KIF26B: variants seen among roughly 807,000 people sequenced by gnomAD.
KIF26B encodes kinesin family member 26B.
In KIF26B, 63 loss-of-function variants were observed where a neutral mutation model predicts 151.2. The observed-to-expected ratio is 0.42, with a 90% CI of 0.34 to 0.51. The LOEUF is 0.51. Ranked by LOEUF, KIF26B falls within the 20% of genes least tolerant of loss-of-function variation. KIF26B has a pLI of 0.07. For missense variants in KIF26B, 2,813 were observed against 2,913.6 expected (o/e 0.97, Z 0.79); for synonymous variants, 1,357 against 1,262.1 (o/e 1.08, Z -1.59).
intron 9 of KIF26B, among the ~76,000 whole-genome samples, chr1:245,631,976 G>T (rs2043785627): frequency 6.6e-6 from 1 of 151,224 alleles, no homozygotes; most frequent in Non-Finnish European, 1.5e-5. Context: ...AATCAATTTT[G>T]GTTCCTTTCA....
chr1:245,539,815 G>A (rs368970824), intron 4 of KIF26B, among the ~76,000 whole-genome samples: 1 of 152,050 alleles, frequency 6.6e-6, no homozygotes, highest in African/African-American at 2.4e-5. Flanking sequence ...ACCACACCCG[G>A]CTAATTTTTG....
intron 2 of KIF26B, among the ~76,000 whole-genome samples, chr1:245,274,062 A>G (rs545686177): frequency 6.6e-6 from 1 of 152,196 alleles, no homozygotes; most frequent in Non-Finnish European, 1.5e-5. Context: ...TGGGGATTAC[A>G]TAAAACATTT....
rs2042988806 is a variant in KIF26B, at chr1:245,564,494, G to A, written c.1350+23544G>A. On this transcript the variant is annotated intron_variant, in intron 5 of 14. Transcript: ENST00000407071. This position sits in a 1 kb window ranked among gnomAD's most constrained non-coding sequence, Gnocchi z 4.6. ...TGGGGAGGGACAGCATCGCCTCAGT[G>A]AAAGTTTTGGGTTAAACACTGTCTG... is the stretch of plus-strand genomic sequence containing the variant. 6.6e-6 allele frequency among the ~76,000 whole-genome samples: 1 copy of A among 152,176 alleles called. No homozygotes were observed. The highest frequency in any genetic ancestry group is 1.5e-5 in the Non-Finnish European group (1 of 68,038).
At chr1:245,635,408 A>T (rs2043824393) in intron 9 of KIF26B, among the ~76,000 whole-genome samples, 1 of 152,046 alleles carries the variant, frequency 6.6e-6, no homozygotes, top group Admixed American at 6.6e-5. Flanking sequence ...CACATTGTTT[A>T]ATTTACTGGC....
chr1:245,675,071 A>G (rs1457630199), intron 10 of KIF26B, among the ~76,000 whole-genome samples: 1 of 152,260 alleles, frequency 6.6e-6, no homozygotes, highest in Non-Finnish European at 1.5e-5. Context: ...TATGTTGGAA[A>G]GGAGACAGAT....
intron 5 of KIF26B, among the ~76,000 whole-genome samples, chr1:245,569,756 C>T (rs1374081916): frequency 6.6e-6 from 1 of 151,796 alleles, no homozygotes; most frequent in Non-Finnish European, 1.5e-5. Context: ...TGCACCACTG[C>T]ACTACAGCCT....
rs547639825 is a variant in KIF26B at position 245,188,045 on chromosome 1, C to T, written c.465+31362C>T. Among the ~76,000 whole-genome samples the T allele has an allele frequency of 2.6e-5, 4 of 152,036 alleles. No homozygotes were observed. In the East Asian group the frequency reaches 5.8e-4, roughly 22 times the overall value. ...CTGTAATCCCAGCACTTTGGGAGGCCGAGGTGGGCGAATCACCTGAGGTCA... is the reference window on the plus strand; with the variant it reads ...CTGTAATCCCAGCACTTTGGGAGGCTGAGGTGGGCGAATCACCTGAGGTCA... On this transcript the variant is annotated intron_variant, in intron 2 of 14. Coordinates refer to ENST00000407071, the MANE Select transcript of KIF26B (RefSeq NM_018012.4).
chr1:245,611,769 C>T, intron 8 of KIF26B, 24 bp from the exon 9 acceptor site: 1 of 1,609,264 alleles, frequency 6.2e-7, no homozygotes, highest in Non-Finnish European at 8.5e-7. Flanking sequence ...CCTGCAGCCT[C>T]ATCTCTTGGC....
intron 4 of KIF26B, among the ~76,000 whole-genome samples, chr1:245,448,935 C>A (rs1659313430): frequency 6.6e-6 from 1 of 152,106 alleles, no homozygotes; most frequent in Non-Finnish European, 1.5e-5. Context: ...CCAGAAGCAC[C>A]CAGAAACTAT....
chr1:245,338,210 A>G (rs1192144322), intron 2 of KIF26B, among the ~76,000 whole-genome samples: 1 of 152,242 alleles, frequency 6.6e-6, no homozygotes, highest in African/African-American at 2.4e-5. Context: ...TTCCTTCAAA[A>G]TGGTTTACTT....
intron 2 of KIF26B, among the ~76,000 whole-genome samples, chr1:245,158,426 C>T (rs1255408744): frequency 2.0e-5 from 3 of 152,152 alleles, no homozygotes; most frequent in Non-Finnish European, 1.5e-5. Context: ...TACAGTGTCA[C>T]GGGAGGCAGC....
intron 4 of KIF26B, among the ~76,000 whole-genome samples, chr1:245,492,382 A>C (rs1212627845): frequency 6.6e-6 from 1 of 152,084 alleles, no homozygotes; most frequent in East Asian, 1.9e-4. Context: ...TGATGGGGAG[A>C]GGGAAGAGGT....
At position 245,540,706 on chromosome 1, in the gene KIF26B, T is replaced by G; in HGVS notation, c.1167-61T>G. 6.8e-7 allele frequency: 1 copy of G among 1,462,626 alleles called. No individual in the cohort carries two copies. The highest frequency in any genetic ancestry group is 9.6e-7 in the Non-Finnish European group (1 of 1,041,898). The allele number at this position is 1,462,626 out of a possible 1,614,324, so 90.6% of individuals were successfully genotyped here. A position where few individuals can be genotyped will look rare whatever the true frequency, so the allele number is the denominator to read the frequency against. ...AGGGGTTGTTTAAGAGAAAACGAAG[T>G]AAGCCTAGCAGATCTGATCGTACAA... On this transcript the variant is annotated intron_variant, in intron 4 of 14. Coordinates refer to ENST00000407071, the MANE Select transcript of KIF26B (RefSeq NM_018012.4). The surrounding 1 kb of genome is among the most constrained non-coding windows in gnomAD (Gnocchi z 4.6).
chr1:245,375,744 A>G lies in KIF26B; in HGVS notation c.999+8377A>G, dbSNP rs79967551. Among the ~76,000 whole-genome samples, 2,287 of 152,256 alleles carry G rather than the reference A, an allele frequency of 0.015. 58 individuals are homozygous for G. Among genetic ancestry groups the G allele is most frequent in the African/African-American group, 0.051 (2,106 of 41,542 alleles). On this transcript the variant is annotated intron_variant, in intron 3 of 14. Coordinates refer to ENST00000407071, the MANE Select transcript of KIF26B (RefSeq NM_018012.4). This position sits in a 1 kb window ranked among gnomAD's most constrained non-coding sequence, Gnocchi z 4.2. ...CTGGTGAGCCTTCTGTTAACTGAAA[A>G]GCTTGGTAAGGAGAAGCGGGATGGG...
rs538155742 is a variant in KIF26B at position 245,563,711 on chromosome 1, G to GT, written c.1350+22766dup. 2.0e-4 allele frequency among the ~76,000 whole-genome samples: 31 copies of GT among 151,292 alleles called. No homozygotes were observed. Among genetic ancestry groups the GT allele is most frequent in the Admixed American group, 1.1e-3 (17 of 15,108 alleles). Reference sequence around the variant, plus strand: ...TGGTCCCATAAGATTATAATACTGTGTTTTTACTACACCTTTTCTATGTTT... The same window carrying GT: ...TGGTCCCATAAGATTATAATACTGTGTTTTTTACTACACCTTTTCTATGTTT... On this transcript the variant is annotated intron_variant, in intron 5 of 14. Transcript: ENST00000407071. This position sits in a 1 kb window ranked among gnomAD's most constrained non-coding sequence, Gnocchi z 4.6.
intron 4 of KIF26B, among the ~76,000 whole-genome samples, chr1:245,503,149 G>A (rs939982560): frequency 6.6e-6 from 1 of 152,028 alleles, no homozygotes; most frequent in Non-Finnish European, 1.5e-5. Flanking sequence ...GTGAGCCACC[G>A]CACCCGGCCA....
chr1:245,517,388 T>A (rs1660992365), intron 4 of KIF26B, among the ~76,000 whole-genome samples: 1 of 152,060 alleles, frequency 6.6e-6, no homozygotes, highest in Admixed American at 6.6e-5. Flanking sequence ...AGAAATAGTT[T>A]CCAGCATTTA....
At chr1:245,474,693 G>A (rs1286042973) in intron 4 of KIF26B, among the ~76,000 whole-genome samples, 3 of 151,768 alleles carry the variant, frequency 2.0e-5, no homozygotes, top group Non-Finnish European at 4.4e-5. Context: ...GATTACAGAC[G>A]TGAGCCACCG....
rs1015197659 is a variant in KIF26B at position 245,300,841 on chromosome 1, T to C, written c.466-65993T>C. On this transcript the variant is annotated intron_variant, in intron 2 of 14. Transcript: ENST00000407071. The stretch of plus-strand genomic sequence containing the variant: ...ACCAAGCCCGGCCGAATTTTTAATT[T>C]TTTTATTGAAATGGAGTCTCACTCT... 1.1e-4 allele frequency among the ~76,000 whole-genome samples: 16 copies of C among 144,168 alleles called. No individual in the cohort carries two copies. In the Admixed American group the frequency reaches 1.1e-3, roughly 10 times the overall value. The allele number at this position is 144,168 out of a possible 152,430, so 94.6% of individuals were successfully genotyped here. A position where few individuals can be genotyped will look rare whatever the true frequency, so the allele number is the denominator to read the frequency against.
Sources: gnomAD v4.1 joint callset for allele counts (sites outside exome capture counted in the v4.1 genomes callset) on GRCh38, gnomAD v4.1.1 for gene constraint, Gnocchi (gnomAD v3.1) non-coding constraint, MANE v1.5 for transcripts, NCBI Gene and HGNC (gene_info 2026-07-23, HGNC 2026-07-21) for gene names.